Variants in TTC14 observed in about 807,000 individuals in gnomAD.
TTC14 encodes tetratricopeptide repeat domain 14.
A neutral mutation model predicts 79.9 loss-of-function variants in TTC14; 63 were observed. That is an observed-to-expected ratio of 0.79 (90% confidence interval 0.64 to 0.97). The LOEUF is 0.97. Ranked by LOEUF, TTC14 falls within the 50% of genes least tolerant of loss-of-function variation. The pLI is 0.00. For missense variants in TTC14, 895 were observed against 894.0 expected (o/e 1.00, Z -0.01); for synonymous variants, 335 against 309.6 (o/e 1.08, Z -0.86).
chr3:180,611,147 A>C (rs1239021896), downstream of TTC14: 3 of 985,400 alleles, frequency 3.0e-6, no homozygotes, highest in Non-Finnish European at 3.6e-6. Context: ...TCCACCCAGC[A>C]TAAGTGCCTT....
At chr3:180,608,954 G>C in intron 11 of TTC14, 144 bp downstream of exon 11, 1 of 1,207,024 alleles carries the variant, frequency 8.3e-7, no homozygotes, top group Non-Finnish European at 1.0e-6. Flanking sequence ...GCAAATATGT[G>C]TTCCATGTAT....
At position 180,610,370 on chromosome 3, in the gene TTC14, G is replaced by T. The variant is rs1409008524; in HGVS notation, c.2141G>T (p.Arg714Ile). 6.2e-7 allele frequency: 1 copy of T among 1,613,602 alleles called. No individual in the cohort carries two copies. Among genetic ancestry groups the T allele is most frequent in the Admixed American group, 1.7e-5 (1 of 59,978 alleles). ...RLNTNQGEYEREDNYGEDIKT... is the reference protein window; with the variant it reads ...RLNTNQGEYEIEDNYGEDIKT... ...AATACAAATCAAGGAGAATATGAAA[G>T]AGAGGACAATTATGGGGAGGATATC... The change falls in exon 12 of 12, where the codon AGA (arginine) becomes ATA (isoleucine). Residue 714 changes from arginine to isoleucine, a missense_variant. By Grantham distance (97) the Arg-to-Ile change is moderately conservative. Transcript: ENST00000296015.
Position 180,602,961 on chromosome 3 carries a change from C to T in TTC14, c.232C>T (p.Leu78Phe). The part of the protein sequence containing the change: ...ISKKADLLFA[L>F]SWKSDAPATS... ...CAAAAAAGCGGATCTGCTTTTTGCACTTTCCTGGAAATCAGATGCACCTGC... is the reference window on the plus strand; with the variant it reads ...CAAAAAAGCGGATCTGCTTTTTGCATTTTCCTGGAAATCAGATGCACCTGC... Residue 78 changes from leucine (L) to phenylalanine (F), a missense_variant, in exon 2 of 12, where the codon CTT becomes TTT. Leu to Phe is a conservative substitution (Grantham distance 22). Coordinates refer to ENST00000296015, the MANE Select transcript of TTC14 (RefSeq NM_133462.4). The T allele has an allele frequency of 1.2e-6, 2 of 1,613,918 alleles. No homozygotes were observed. Among genetic ancestry groups the T allele is most frequent in the Non-Finnish European group, 1.7e-6 (2 of 1,179,974 alleles).
chr3:180,609,545 T>C (rs551728012), intron 11 of TTC14, 85 bp from the exon 12 acceptor site: 1 of 1,380,796 alleles, frequency 7.2e-7, no homozygotes, highest in Non-Finnish European at 9.4e-7. Flanking sequence ...ATAAAATCTT[T>C]AAAGGAAACA....
intron 9 of TTC14, among the ~76,000 whole-genome samples, chr3:180,607,442 T>C (rs760196139): frequency 6.6e-5 from 10 of 152,188 alleles, no homozygotes; most frequent in African/African-American, 1.9e-4. Flanking sequence ...ATTGGACATA[T>C]ACCTTTAGTT....
At chr3:180,613,953 G>A (rs1717118784), downstream of TTC14, 2 of 422,276 alleles carry the variant, frequency 4.7e-6, no homozygotes, top group Admixed American at 5.7e-5. Context: ...CTAAAATAAT[G>A]ACAGTTGTAA....
downstream of TTC14, chr3:180,615,194 A>C (rs1717185243): frequency 1.5e-6 from 1 of 685,118 alleles, no homozygotes; most frequent in South Asian, 2.3e-5. Context: ...AAAAGTACAT[A>C]TTAATAGTGT....
rs1007303561 is a variant in TTC14 at position 180,605,816 on chromosome 3, C to G, written c.908C>G (p.Ser303Cys). ...DFASALRKKQ[S>C]ASWALKCVKI... ...GCTTCTGCATTGAGAAAAAAACAATCCGCATCTTGGGCTTTAAAATGGTAT... is the reference window on the plus strand; with the variant it reads ...GCTTCTGCATTGAGAAAAAAACAATGCGCATCTTGGGCTTTAAAATGGTAT... Residue 303 changes from serine to cysteine, a missense_variant, in exon 7 of 12, where the codon TCC (serine) becomes TGC (cysteine). Coordinates refer to ENST00000296015, the MANE Select transcript of TTC14 (RefSeq NM_133462.4). 2 of 1,573,450 alleles carry G rather than the reference C, an allele frequency of 1.3e-6. No individual in the cohort carries two copies. Among genetic ancestry groups the G allele is most frequent in the African/African-American group, 1.4e-5 (1 of 71,372 alleles).
intron 12 of TTC14, chr3:180,616,247 A>C: frequency 1.3e-6 from 2 of 1,587,576 alleles, no homozygotes; most frequent in African/African-American, 2.7e-5. Flanking sequence ...CAGCTGTGAG[A>C]GTTAAGCAGA....
At chr3:180,605,518 T>C (rs974177164) in intron 6 of TTC14, 1 of 324,810 alleles carries the variant, frequency 3.1e-6, no homozygotes, top group African/African-American at 2.3e-5. Context: ...CCTGACCTCG[T>C]GATCCACCCG....
chr3:180,608,682 G>A lies in TTC14; in HGVS notation c.1291-19G>A, dbSNP rs768892292. 26 of 1,490,216 alleles carry A rather than the reference G, an allele frequency of 1.7e-5. No homozygotes were observed. The highest frequency in any genetic ancestry group is 4.1e-5 in the South Asian group (3 of 73,548). The allele number at this position is 1,490,216 out of a possible 1,614,324, so 92.3% of individuals were successfully genotyped here. A position where few individuals can be genotyped will look rare whatever the true frequency, so the allele number is the denominator to read the frequency against. The stretch of plus-strand genomic sequence containing the variant: ...CTATTTTTAACGTGTGGTTTTTTTC[G>A]ATATCTGGGTTCTAAAAGAAATCTT... On this transcript the variant is annotated intron_variant, in intron 10 of 11. Coordinates refer to ENST00000296015, the MANE Select transcript of TTC14 (RefSeq NM_133462.4).
In TTC14 at chr3:180,603,281, A is replaced by C; in HGVS notation, c.444A>C (p.Leu148Phe). ...GTTTTTTCATGGTGTTGATCTGTTT[A>C]GGAAGTGGTATCATGAGAGATATAG... ...EFGFFMVLIC[L>F]GSGIMRDIAH... is the part of the protein sequence containing the mutation. Residue 148 changes from leucine to phenylalanine, a missense_variant, in exon 3 of 12, where the codon TTA (leucine) becomes TTC (phenylalanine). Physicochemically the swap from Leu to Phe is conservative, Grantham distance 22 (BLOSUM62 0). Coordinates refer to ENST00000296015, the MANE Select transcript of TTC14 (RefSeq NM_133462.4). 6.2e-7 allele frequency: 1 copy of C among 1,613,862 alleles called. No homozygotes were observed. The highest frequency in any genetic ancestry group is 1.1e-5 in the South Asian group (1 of 91,066).
rs779689738 is a variant in TTC14, at chr3:180,610,094, A to G, written c.1865A>G (p.His622Arg). 4.3e-6 allele frequency: 7 copies of G among 1,613,340 alleles called. No individual in the cohort carries two copies. The African/African-American group carries it at 8.0e-5, about 18-fold the overall frequency. ...GAAAAGCCATATAAATCAGAAAGAC[A>G]TTTTTCCAGTAGAAGAAATTCCTCA... ...KTEKPYKSER[H>R]FSSRRNSSDS... Residue 622 changes from histidine to arginine, a missense_variant, in exon 12 of 12, where the codon CAT (histidine) becomes CGT (arginine). Coordinates refer to ENST00000296015, the MANE Select transcript of TTC14 (RefSeq NM_133462.4).
chr3:180,614,533 T>A (rs1162223070), downstream of TTC14: 1 of 156,678 alleles, frequency 6.4e-6, no homozygotes, highest in Admixed American at 6.5e-5. Context: ...TAAATGAGAT[T>A]TTCACATTGC....
Position 180,605,812 on chromosome 3 carries a change from C to A in TTC14, c.904C>A (p.Gln302Lys). ...DDFASALRKK[Q>K]SASWALKCVK... ...TTTTGCTTCTGCATTGAGAAAAAAA[C>A]AATCCGCATCTTGGGCTTTAAAATG... The change falls in exon 7 of 12, where the codon CAA (glutamine) becomes AAA (lysine). Residue 302 changes from glutamine to lysine, a missense_variant. Physicochemically the swap from Gln to Lys is moderately conservative, Grantham distance 53. Transcript: ENST00000296015. 6.4e-7 allele frequency: 1 copy of A among 1,571,314 alleles called. No individual in the cohort carries two copies. Among genetic ancestry groups the A allele is most frequent in the East Asian group, 2.3e-5 (1 of 43,024 alleles).
At position 180,610,464 on chromosome 3, in the gene TTC14, T is replaced by C. The variant is rs1324994856; in HGVS notation, c.2235T>C (p.Asn745=). Residue 745 remains asparagine (N), a synonymous_variant, in exon 12 of 12, where the codon AAT becomes AAC. Coordinates refer to ENST00000296015, the MANE Select transcript of TTC14 (RefSeq NM_133462.4). ...KEHSESSVKK[N]LPQNLLNIFN... ...ACTCAGAAAGCAGTGTTAAGAAAAATTTACCTCAGAATTTACTGAATATAT... is the reference window on the plus strand; with the variant it reads ...ACTCAGAAAGCAGTGTTAAGAAAAACTTACCTCAGAATTTACTGAATATAT... The C allele has an allele frequency of 1.2e-6, 2 of 1,607,520 alleles. No individual in the cohort carries two copies. Among genetic ancestry groups the C allele is most frequent in the Non-Finnish European group, 1.7e-6 (2 of 1,178,438 alleles).
chr3:180,608,542 A>G (rs1716817957), intron 10 of TTC14, 159 bp from the exon 11 acceptor site: 1 of 1,252,314 alleles, frequency 8.0e-7, no homozygotes, highest in Non-Finnish European at 1.0e-6. Flanking sequence ...CTGTATGACT[A>G]ATTTTTTTAT....
chr3:180,615,517 T>G (rs1447044154), downstream of TTC14, among the ~76,000 whole-genome samples: 2 of 152,130 alleles, frequency 1.3e-5, no homozygotes, highest in Admixed American at 6.5e-5. Context: ...GAAAAACAGC[T>G]AGCTATATAA....
At chr3:180,603,053 G>C in intron 2 of TTC14, 38 bp downstream of exon 2, 2 of 1,610,770 alleles carry the variant, frequency 1.2e-6, no homozygotes, top group East Asian at 4.5e-5. Context: ...TTGCGGTTCG[G>C]TTTAACAGTA....
Sources: allele counts gnomAD v4.1 joint callset (sites outside exome capture counted in the v4.1 genomes callset), GRCh38; gene constraint gnomAD v4.1.1; transcripts MANE v1.5; gene names NCBI Gene and HGNC (gene_info 2026-07-23, HGNC 2026-07-21).